The following DNAJB6 variants were observed in gnomAD, a reference collection of about 807,000 sequenced individuals.
DNAJB6 encodes DnaJ heat shock protein family (Hsp40) member B6, also known as dnaJ homolog subfamily B member 6.
In DNAJB6, 16 loss-of-function variants were observed where a neutral mutation model predicts 42.7. The ratio of observed to expected loss-of-function variants is 0.37; its 90% CI spans 0.25 to 0.57. The LOEUF is 0.57. DNAJB6 is among the 20% of genes least tolerant of loss of function. DNAJB6 has a pLI of 0.74. For missense variants in DNAJB6, 347 were observed against 416.8 expected (o/e 0.83, Z 1.46); for synonymous variants, 170 against 163.5 (o/e 1.04, Z -0.30).
chr7:157,386,794 G>T (rs1015917626), intron 8 of DNAJB6, among the ~76,000 whole-genome samples: 8 of 151,708 alleles, frequency 5.3e-5, no homozygotes, highest in Non-Finnish European at 1.2e-4. Context: ...TGAGGCAGAA[G>T]AATTGCTTGA....
At chr7:157,373,818 C>T (rs1446946355) in intron 5 of DNAJB6, among the ~76,000 whole-genome samples, 4 of 152,134 alleles carry the variant, frequency 2.6e-5, no homozygotes, top group Admixed American at 1.3e-4. Context: ...GGACAGAGTT[C>T]ATACACAGGC....
intron 5 of DNAJB6, 49 bp downstream of exon 5, chr7:157,367,532 A>G (rs760014403): frequency 9.0e-7 from 1 of 1,116,740 alleles, no homozygotes; most frequent in East Asian, 2.4e-5. Context: ...GACCCAAATG[A>G]GGGCTTACTT....
rs1180097071 is a variant in DNAJB6 at position 157,409,864 on chromosome 7, C to G, written c.761C>G (p.Pro254Arg). ...GGCCAGAACGCCCTGCCAGCCCAGCCTGCCGGCCTCCGCCCGCCGAAGCCG... is the reference window on the plus strand; with the variant it reads ...GGCCAGAACGCCCTGCCAGCCCAGCGTGCCGGCCTCCGCCCGCCGAAGCCG... ...RRGQNALPAQPAGLRPPKPPR... is the reference protein window; with the variant it reads ...RRGQNALPAQRAGLRPPKPPR... The change falls in exon 9 of 10, where the codon CCT becomes CGT. Residue 254 changes from proline (P) to arginine (R), a missense_variant. Transcript: ENST00000262177. 6.5e-7 allele frequency: 1 copy of G among 1,533,432 alleles called. No individual in the cohort carries two copies. Among genetic ancestry groups the G allele is most frequent in the Non-Finnish European group, 8.7e-7 (1 of 1,145,694 alleles). The allele number at this position is 1,533,432 out of a possible 1,614,324, so 95.0% of individuals were successfully genotyped here. A position where few individuals can be genotyped will look rare whatever the true frequency, so the allele number is the denominator to read the frequency against.
intron 8 of DNAJB6, among the ~76,000 whole-genome samples, chr7:157,398,724 A>T (rs1156346632): frequency 6.6e-6 from 1 of 152,246 alleles, no homozygotes; most frequent in Admixed American, 6.5e-5. Context: ...AATAAAAAGA[A>T]ACTTGATCTG....
intron 1 of DNAJB6, among the ~76,000 whole-genome samples, chr7:157,352,549 G>A (rs1439483999): frequency 6.6e-6 from 1 of 152,022 alleles, no homozygotes; most frequent in Non-Finnish European, 1.5e-5. Context: ...TCCCTGGTGA[G>A]GGTGTGGCAT....
intron 7 of DNAJB6, 91 bp downstream of exon 7, chr7:157,385,099 A>T (rs1432164617): frequency 2.2e-6 from 3 of 1,343,306 alleles, no homozygotes; most frequent in African/African-American, 2.9e-5. Context: ...TGTGAAGTAG[A>T]GGTTGTTGTA....
intron 8 of DNAJB6, among the ~76,000 whole-genome samples, chr7:157,407,696 C>G (rs372666167): frequency 1.2e-3 from 184 of 152,308 alleles, no homozygotes; most frequent in African/African-American, 4.3e-3. Context: ...CCTGCAGATG[C>G]TTCTCGACGA....
At chr7:157,368,602 G>T (rs1388031818) in intron 5 of DNAJB6, 1 of 152,728 alleles carries the variant, frequency 6.5e-6, no homozygotes, top group African/African-American at 2.4e-5. Context: ...CTAGGCGTTG[G>T]TGTATGTCTT....
intron 2 of DNAJB6, among the ~76,000 whole-genome samples, chr7:157,361,392 C>T (rs1003393460): frequency 5.3e-5 from 8 of 152,096 alleles, no homozygotes; most frequent in Non-Finnish European, 8.8e-5. Flanking sequence ...CTCTTGACCT[C>T]GTGATCTGCC....
intron 8 of DNAJB6, among the ~76,000 whole-genome samples, chr7:157,408,929 G>A (rs1225216559): frequency 6.6e-6 from 1 of 152,180 alleles, no homozygotes; most frequent in Non-Finnish European, 1.5e-5. Context: ...TGCGACAGTC[G>A]TTTTAGGCAC....
intron 8 of DNAJB6, among the ~76,000 whole-genome samples, chr7:157,395,370 G>C (rs906844857): frequency 3.0e-4 from 45 of 152,344 alleles, no homozygotes; most frequent in Admixed American, 2.2e-3. Context: ...GCTTTTGTCT[G>C]TCTTTTAAAG....
chr7:157,367,599 G>A (rs1799906742), intron 5 of DNAJB6, 116 bp downstream of exon 5: 2 of 705,264 alleles, frequency 2.8e-6, no homozygotes, highest in East Asian at 2.7e-5. Flanking sequence ...GGTGGCTCAT[G>A]CCTGTAATCC....
chr7:157,398,623 G>C (rs780558126), intron 8 of DNAJB6, among the ~76,000 whole-genome samples: 22 of 152,318 alleles, frequency 1.4e-4, no homozygotes, highest in East Asian at 3.9e-4. Flanking sequence ...TGGCTTGAGG[G>C]GGGGGATGCT....
chr7:157,377,424 A>G (rs1336655325), intron 5 of DNAJB6, among the ~76,000 whole-genome samples: 1 of 152,262 alleles, frequency 6.6e-6, no homozygotes, highest in African/African-American at 2.4e-5. Flanking sequence ...AGACCCATTT[A>G]AAGATGCTTC....
At chr7:157,403,029 C>T (rs750971375) in intron 8 of DNAJB6, among the ~76,000 whole-genome samples, 3 of 151,998 alleles carry the variant, frequency 2.0e-5, no homozygotes, top group East Asian at 1.9e-4. Context: ...GTGGTCGGGG[C>T]GCGGCTTGGT....
intron 8 of DNAJB6, among the ~76,000 whole-genome samples, chr7:157,403,210 TGA>T (rs1008796513): frequency 1.3e-5 from 2 of 151,986 alleles, no homozygotes; most frequent in Non-Finnish European, 2.9e-5. Flanking sequence ...AATCCACATA[TGA>T]GAGGGGGTAG....
chr7:157,384,804 CTT>C (rs1384051509), intron 6 of DNAJB6, 61 bp from the exon 7 acceptor site: 2 of 1,526,216 alleles, frequency 1.3e-6, no homozygotes, highest in African/African-American at 2.8e-5. Context: ...CTTTCAAACT[CTT>C]GTCTTTGCAT....
At chr7:157,342,333 ATTTTTTTTTTT>A (rs11329531) in intron 1 of DNAJB6, among the ~76,000 whole-genome samples, 2 of 60,406 alleles carry the variant, frequency 3.3e-5, no homozygotes, top group African/African-American at 7.3e-5. Flanking sequence ...ATCCTGGCTA[ATTTTTTTTTTT>A]TTTTTTTTTT....
rs111955194 is a variant in DNAJB6 at position 157,356,878 on chromosome 7, T to G, written c.-26-1669T>G. Among the ~76,000 whole-genome samples the G allele has an allele frequency of 8.7e-4, 132 of 152,378 alleles. 1 individual carries two copies. The highest frequency in any genetic ancestry group is 1.7e-3 in the Non-Finnish European group (119 of 68,034). ...CTTTGCTGTCATGTATTTGAAGATG[T>G]ACATTTCTTTTCTAAGTTTGATGTT... On this transcript the variant is annotated intron_variant, in intron 1 of 9. Coordinates refer to ENST00000262177, the MANE Select transcript of DNAJB6 (RefSeq NM_058246.4).
Sources: allele counts gnomAD v4.1 joint callset (sites outside exome capture counted in the v4.1 genomes callset), GRCh38; gene constraint gnomAD v4.1.1; transcripts MANE v1.5; gene names NCBI Gene and HGNC (gene_info 2026-07-23, HGNC 2026-07-21).